KCNQ1: variants seen among roughly 807,000 people sequenced by gnomAD.
KCNQ1 encodes the protein potassium voltage-gated channel subfamily KQT member 1.
In KCNQ1, 49 loss-of-function variants were observed where a neutral mutation model predicts 72.4. The ratio of observed to expected loss-of-function variants is 0.68; its 90% CI spans 0.54 to 0.86. The LOEUF is 0.86. KCNQ1 is among the 40% of genes least tolerant of loss of function. The pLI, the probability that KCNQ1 is intolerant of heterozygous loss-of-function variation, is 0.00. For synonymous variants in KCNQ1, 450 were observed against 412.6 expected (o/e 1.09, Z -1.10); for missense variants, 790 against 945.1 (o/e 0.84, Z 2.15).
In KCNQ1 at chr11:2,687,958, G is replaced by A. The variant is rs561638885; in HGVS notation, c.1514+25877G>A. On this transcript the variant is annotated intron_variant, in intron 11 of 15. Transcript: ENST00000155840. The surrounding 1 kb of genome is among the most constrained non-coding windows in gnomAD (Gnocchi z 5.0). ...TCTCCCACCCGCTGTGGGTCAGCCA[G>A]GCCGCTGCTTCCTGCTTCCCTTTGA... 3.9e-4 allele frequency: 155 copies of A among 398,806 alleles called. 1 individual carries two copies. In the South Asian group the frequency reaches 0.018, roughly 45 times the overall value. The allele number at this position is 398,806 out of a possible 1,614,324, so 24.7% of individuals were successfully genotyped here.
At position 2,475,115 on chromosome 11, in the gene KCNQ1, C is replaced by A. The variant is rs978087479; in HGVS notation, c.386+29631C>A. Among the ~76,000 whole-genome samples the A allele has an allele frequency of 2.0e-5, 3 of 152,206 alleles. No individual in the cohort carries two copies. Among genetic ancestry groups the A allele is most frequent in the African/African-American group, 7.2e-5 (3 of 41,430 alleles). ...TCTAATTCCTGAACATTTCCATCAT[C>A]CGCAAGAGGAAATTAGCAGTCACCC... On this transcript the variant is annotated intron_variant, in intron 1 of 15. Transcript: ENST00000155840. This position sits in a 1 kb window ranked among gnomAD's most constrained non-coding sequence, Gnocchi z 5.8.
At chr11:2,590,729 G>C (rs1440864635) in intron 10 of KCNQ1, among the ~76,000 whole-genome samples, 1 of 152,208 alleles carries the variant, frequency 6.6e-6, no homozygotes, top group Non-Finnish European at 1.5e-5. Context: ...AAGGAGGCTT[G>C]ACCCCACCCT....
At position 2,497,412 on chromosome 11, in the gene KCNQ1, A is replaced by G. The variant is rs138013347; in HGVS notation, c.387-30516A>G. Among the ~76,000 whole-genome samples the G allele has an allele frequency of 8.5e-4, 129 of 152,178 alleles. No individual in the cohort carries two copies. The highest frequency in any genetic ancestry group is 1.5e-3 in the Non-Finnish European group (104 of 68,016). On this transcript the variant is annotated intron_variant, in intron 1 of 15. Transcript: ENST00000155840. The surrounding 1 kb of genome is among the most constrained non-coding windows in gnomAD (Gnocchi z 4.5). ...CTTGTCTGCATGCCTTATTTCGTTA[A>G]GTTGATCTTCAATCTCTGATATCCT...
chr11:2,623,314 G>A lies in KCNQ1; in HGVS notation c.1393+34460G>A, dbSNP rs78695585. On this transcript the variant is annotated intron_variant, in intron 10 of 15. Coordinates refer to ENST00000155840, the MANE Select transcript of KCNQ1 (RefSeq NM_000218.3). The surrounding 1 kb of genome is among the most constrained non-coding windows in gnomAD (Gnocchi z 5.2). The stretch of plus-strand genomic sequence containing the variant: ...CAGGTAGTTCTTTATAGCACTGTGA[G>A]AACGGACTAATATGCATGTATCTAC... 5,142 of 398,644 alleles carry A rather than the reference G, an allele frequency of 0.013. 158 individuals carry two copies. Among genetic ancestry groups the A allele is most frequent in the East Asian group, 0.081 (2,282 of 28,060 alleles). The allele number at this position is 398,644 out of a possible 1,614,324, so 24.7% of individuals were successfully genotyped here.
In KCNQ1 at chr11:2,781,861, G is replaced by A. The variant is rs1331997970; in HGVS notation, c.1794+3824G>A. 2.0e-5 allele frequency among the ~76,000 whole-genome samples: 3 copies of A among 152,240 alleles called. No individual in the cohort carries two copies. Among genetic ancestry groups the A allele is most frequent in the Non-Finnish European group, 2.9e-5 (2 of 68,002 alleles). On this transcript the variant is annotated intron_variant, in intron 15 of 15. Transcript: ENST00000155840. This position sits in a 1 kb window ranked among gnomAD's most constrained non-coding sequence, Gnocchi z 6.6. ...CCGCAGTTCAGAAAGCGTTGGGCGG[G>A]AAGGGGCCCCCACCACCTGACACTC...
At chr11:2,530,673 G>C (rs1444788495) in intron 2 of KCNQ1, among the ~76,000 whole-genome samples, 3 of 152,192 alleles carry the variant, frequency 2.0e-5, no homozygotes, top group Non-Finnish European at 4.4e-5. Flanking sequence ...GGACTTTCAC[G>C]CATGTTTGGC....
rs148338110 is a variant in KCNQ1 at position 2,478,931 on chromosome 11, G to C, written c.386+33447G>C. 3.2e-3 allele frequency among the ~76,000 whole-genome samples: 483 copies of C among 152,298 alleles called. 6 individuals are homozygous for C. The highest frequency in any genetic ancestry group is 0.011 in the African/African-American group (467 of 41,562). ...AGGCCTTGGATAAATACACCCATTT[G>C]AAATGGGAGTAATTGGCCAAAACGA... On this transcript the variant is annotated intron_variant, in intron 1 of 15. Transcript: ENST00000155840. The surrounding 1 kb of genome is among the most constrained non-coding windows in gnomAD (Gnocchi z 4.0).
At chr11:2,835,995 T>C (rs1848060156) in intron 15 of KCNQ1, among the ~76,000 whole-genome samples, 1 of 150,138 alleles carries the variant, frequency 6.7e-6, no homozygotes, top group Non-Finnish European at 1.5e-5. Context: ...ATCGAAGTCA[T>C]AGGAGGCGGG....
chr11:2,733,824 T>TCTCTCTCTCTCTCA (rs1590058990), intron 11 of KCNQ1, among the ~76,000 whole-genome samples: 1 of 22,548 alleles, frequency 4.4e-5, no homozygotes, highest in East Asian at 6.2e-4. Flanking sequence ...ACTCTCTCAC[T>TCTCTCTCTCTCTCA]CTCTCTCTCT....
chr11:2,647,746 A>C lies in KCNQ1; in HGVS notation c.1394-14215A>C, dbSNP rs1013886119. 4.0e-5 allele frequency: 16 copies of C among 398,150 alleles called. No homozygotes were observed. Among genetic ancestry groups the C allele is most frequent in the South Asian group, 1.3e-4 (1 of 7,858 alleles). 24.7% of individuals were successfully genotyped at this position (398,150 alleles called of 1,614,324 possible). On this transcript the variant is annotated intron_variant, in intron 10 of 15. Transcript: ENST00000155840. The surrounding 1 kb of genome is among the most constrained non-coding windows in gnomAD (Gnocchi z 4.0). ...GGAGGTTATATATGTCCAGGAATTT[A>C]TCTCTTTCCTCTAGGTTTTCTAATT...
intron 2 of KCNQ1, among the ~76,000 whole-genome samples, chr11:2,561,069 G>A (rs1213249420): frequency 1.3e-5 from 2 of 151,724 alleles, no homozygotes; most frequent in Non-Finnish European, 2.9e-5. Flanking sequence ...GGGCGAGGTG[G>A]CGGGCGCCTG....
At chr11:2,693,590 G>A (rs1850624681) in intron 11 of KCNQ1, 1 of 398,544 alleles carries the variant, frequency 2.5e-6, no homozygotes, top group South Asian at 1.3e-4. Context: ...CCATAAATGA[G>A]GCCACATTTA....
Position 2,699,893 on chromosome 11 carries a change from G to A in KCNQ1, c.1514+37812G>A, listed in dbSNP as rs1020380098. ...GCTGAGGAGCCCCGGGGAGGACCACGCTGAGAGGCACCCCGGCAGAATCGC... is the reference window on the plus strand; with the variant it reads ...GCTGAGGAGCCCCGGGGAGGACCACACTGAGAGGCACCCCGGCAGAATCGC... On this transcript the variant is annotated intron_variant, in intron 11 of 15. Coordinates refer to ENST00000155840, the MANE Select transcript of KCNQ1 (RefSeq NM_000218.3). 18 of 398,128 alleles carry A rather than the reference G, an allele frequency of 4.5e-5. No homozygotes were observed. In the East Asian group the frequency reaches 4.6e-4, roughly 10 times the overall value. 24.7% of individuals were successfully genotyped at this position (398,128 alleles called of 1,614,324 possible).
At chr11:2,568,381 A>G (rs913152808) in intron 2 of KCNQ1, among the ~76,000 whole-genome samples, 2 of 152,216 alleles carry the variant, frequency 1.3e-5, no homozygotes, top group Admixed American at 6.5e-5. Flanking sequence ...CTGGGCTGGG[A>G]GCCGCTATGC....
At chr11:2,504,438 A>G (rs904575298) in intron 1 of KCNQ1, among the ~76,000 whole-genome samples, 3 of 152,200 alleles carry the variant, frequency 2.0e-5, no homozygotes, top group African/African-American at 7.2e-5. Context: ...ACTATAGTCA[A>G]TGATTTAATT....
At chr11:2,465,269 GTGACCCCTTCTCCAAGGCC>G (rs1313546696) in intron 1 of KCNQ1, among the ~76,000 whole-genome samples, 2 of 152,168 alleles carry the variant, frequency 1.3e-5, no homozygotes, top group Non-Finnish European at 2.9e-5. Context: ...AGCTGGCACC[GTGACCCCTTCTCCAAGGCC>G]TGCCAGGCTG....
In KCNQ1 at chr11:2,796,401, G is replaced by A. The variant is rs553280523; in HGVS notation, c.1794+18364G>A. On this transcript the variant is annotated intron_variant, in intron 15 of 15. Coordinates refer to ENST00000155840, the MANE Select transcript of KCNQ1 (RefSeq NM_000218.3). ...GACCCTGGGCATTGATGGCAGGGTG[G>A]CAGGAAGCACCCATCGCTTTCCTCT... Among the ~76,000 whole-genome samples, 14 of 152,314 alleles carry A rather than the reference G, an allele frequency of 9.2e-5. No homozygotes were observed. In the South Asian group the frequency reaches 1.9e-3, roughly 20 times the overall value.
intron 15 of KCNQ1, among the ~76,000 whole-genome samples, chr11:2,837,169 A>C (rs895738087): frequency 2.0e-5 from 3 of 152,086 alleles, no homozygotes; most frequent in African/African-American, 4.8e-5. Context: ...GTCCAGAGAG[A>C]GGACACCGTC....
At chr11:2,675,659 G>T (rs2073955) in intron 11 of KCNQ1, 5,582 of 398,608 alleles carry the variant, frequency 0.014, 188 homozygotes, top group East Asian at 0.094. Context: ...CTAGGAGCCC[G>T]CCCAGGGCCT....
Sources: gnomAD v4.1 joint callset for allele counts (sites outside exome capture counted in the v4.1 genomes callset) on GRCh38, gnomAD v4.1.1 for gene constraint, Gnocchi (gnomAD v3.1) non-coding constraint, MANE v1.5 for transcripts, NCBI Gene and HGNC (gene_info 2026-07-23, HGNC 2026-07-21) for gene names.